The following MCCC2 variants were observed in gnomAD, a reference collection of about 807,000 sequenced individuals.
The protein encoded by MCCC2 is methylcrotonoyl-CoA carboxylase beta chain, mitochondrial.
A neutral mutation model predicts 77.2 loss-of-function variants in MCCC2; 52 were observed. The ratio of observed to expected loss-of-function variants is 0.67; its 90% confidence interval spans 0.54 to 0.85. The LOEUF is 0.85. Among genes scored for constraint, MCCC2 ranks in the 40% least tolerant of loss-of-function variants. The pLI, the probability that MCCC2 is intolerant of heterozygous loss-of-function variation, is 0.00. For missense variants in MCCC2, 682 were observed against 703.2 expected (o/e 0.97, Z 0.34); for synonymous variants, 253 against 248.4 (o/e 1.02, Z -0.18).
At chr5:71,644,032 CATGTGTGTGT>C (rs1279915719) in intron 12 of MCCC2, 137 bp downstream of exon 12, 1 of 538,734 alleles carries the variant, frequency 1.9e-6, no homozygotes, top group African/African-American at 2.4e-5. Flanking sequence ...TGTGCGCGGG[CATGTGTGTGT>C]GTGTGTGTGT....
At chr5:71,600,646 A>T (rs902723990) in intron 4 of MCCC2, among the ~76,000 whole-genome samples, 3 of 152,212 alleles carry the variant, frequency 2.0e-5, no homozygotes, top group African/African-American at 7.2e-5. Flanking sequence ...GGTTTATATC[A>T]TCACTACTCT....
chr5:71,611,483 T>C (rs1745942738), intron 6 of MCCC2, among the ~76,000 whole-genome samples: 1 of 152,190 alleles, frequency 6.6e-6, no homozygotes, highest in South Asian at 2.1e-4. Flanking sequence ...TGTTCATTCA[T>C]GGGAGATTAA....
intron 13 of MCCC2, among the ~76,000 whole-genome samples, chr5:71,647,526 A>G (rs529329606): frequency 3.9e-4 from 59 of 152,300 alleles, no homozygotes; most frequent in Middle Eastern, 3.4e-3. Flanking sequence ...GTTTGAAGAT[A>G]TCTACATTTT....
intron 2 of MCCC2, among the ~76,000 whole-genome samples, chr5:71,593,389 T>C (rs1349729175): frequency 6.6e-6 from 1 of 151,866 alleles, no homozygotes; most frequent in Non-Finnish European, 1.5e-5. Flanking sequence ...TACTCCTGGC[T>C]GAGCTTTTGA....
At chr5:71,633,131 A>ATATATTTTTT (rs1554137344) in intron 8 of MCCC2, among the ~76,000 whole-genome samples, 2 of 78,096 alleles carry the variant, frequency 2.6e-5, no homozygotes, top group African/African-American at 1.0e-4. Context: ...ATATATATAT[A>ATATATTTTTT]TTTTTATTTT....
intron 3 of MCCC2, among the ~76,000 whole-genome samples, chr5:71,598,586 C>A (rs964872116): frequency 6.8e-6 from 1 of 147,394 alleles, no homozygotes; most frequent in East Asian, 2.0e-4. Flanking sequence ...ATTACAGGCA[C>A]GTGCCTCCAC....
chr5:71,633,647 G>A (rs1746819690), intron 8 of MCCC2, among the ~76,000 whole-genome samples: 1 of 151,940 alleles, frequency 6.6e-6, no homozygotes, highest in Admixed American at 6.6e-5. Context: ...TCATCCTTAA[G>A]AGCTAATTTG....
intron 5 of MCCC2, among the ~76,000 whole-genome samples, 172 bp from the exon 6 acceptor site, chr5:71,604,184 C>G (rs901859442): frequency 2.6e-5 from 4 of 152,102 alleles, no homozygotes; most frequent in Non-Finnish European, 4.4e-5. Context: ...GGCAATGAAT[C>G]CTTTTGGCTG....
chr5:71,635,680 C>T, intron 10 of MCCC2: 3 of 304,992 alleles, frequency 9.8e-6, no homozygotes, highest in Non-Finnish European at 1.3e-5. Context: ...GACCTGATTA[C>T]AGTTGAAAAT....
intron 6 of MCCC2, among the ~76,000 whole-genome samples, chr5:71,611,547 TAA>T (rs1264205950): frequency 6.6e-6 from 1 of 152,232 alleles, no homozygotes; most frequent in Non-Finnish European, 1.5e-5. Flanking sequence ...TCTGTCAATA[TAA>T]GTCTCAAAAA....
chr5:71,632,376 C>T (rs1419438533), intron 8 of MCCC2, among the ~76,000 whole-genome samples, 191 bp downstream of exon 8: 1 of 152,154 alleles, frequency 6.6e-6, no homozygotes, highest in East Asian at 1.9e-4. Context: ...GAGCATCAGC[C>T]AAGAAGGACT....
chr5:71,639,210 C>A (rs1747036894), intron 10 of MCCC2, among the ~76,000 whole-genome samples: 2 of 152,210 alleles, frequency 1.3e-5, no homozygotes, highest in African/African-American at 4.8e-5. Context: ...ACTAACCTCT[C>A]CCCAGCTATG....
intron 7 of MCCC2, among the ~76,000 whole-genome samples, chr5:71,629,994 G>A (rs1746655020): frequency 6.6e-6 from 1 of 152,174 alleles, no homozygotes; most frequent in Admixed American, 6.5e-5. Flanking sequence ...TTAGAGAGAA[G>A]ATTTTGTCTA....
At chr5:71,611,636 C>G (rs899670191) in intron 6 of MCCC2, among the ~76,000 whole-genome samples, 38 of 152,060 alleles carry the variant, frequency 2.5e-4, no homozygotes, top group African/African-American at 8.9e-4. Context: ...ACATCGAATC[C>G]TACTGTATAT....
chr5:71,618,460 A>G (rs1746241591), intron 6 of MCCC2, among the ~76,000 whole-genome samples: 1 of 149,608 alleles, frequency 6.7e-6, no homozygotes, highest in African/African-American at 2.4e-5. Context: ...TTTCTTTTTT[A>G]AATTCTTTCT....
At position 71,658,324 on chromosome 5, in the gene MCCC2, C is replaced by T. The variant is rs2112480149; in HGVS notation, c.*1464C>T. The stretch of plus-strand genomic sequence containing the variant: ...ACTCTCCCTTCTTCTTCAACACATC[C>T]TTCAGTTTAAGCACTTGCTTCTCTC... On this transcript the variant is annotated 3_prime_UTR_variant, in exon 17 of 17. Transcript: ENST00000340941. 1 of 152,316 alleles carries T rather than the reference C, an allele frequency of 6.6e-6. No homozygotes were observed. 9.4% of individuals were successfully genotyped at this position (152,316 alleles called of 1,614,324 possible).
At chr5:71,651,076 G>T (rs1332956125) in intron 15 of MCCC2, among the ~76,000 whole-genome samples, 1 of 152,206 alleles carries the variant, frequency 6.6e-6, no homozygotes, top group African/African-American at 2.4e-5. Context: ...ACCATGCCCA[G>T]CCAAGAAAAC....
rs777652826 is a variant in MCCC2, at chr5:71,643,913, T to TATTTCAAG, written c.1149+23_1149+30dup. On this transcript the variant is annotated intron_variant, in intron 12 of 16. Coordinates refer to ENST00000340941, the MANE Select transcript of MCCC2 (RefSeq NM_022132.5). The stretch of plus-strand genomic sequence containing the variant: ...CAAAAAAGGCAAGTACTGTTAAAAA[T>TATTTCAAG]ATTTCAAGATTTTCTGTTTTAATTT... The TATTTCAAG allele has an allele frequency of 6.2e-7, 1 of 1,613,596 alleles. No individual in the cohort carries two copies. Among genetic ancestry groups the TATTTCAAG allele is most frequent in the African/African-American group, 1.3e-5 (1 of 74,894 alleles).
At chr5:71,624,929 A>G (rs1264709145) in intron 6 of MCCC2, among the ~76,000 whole-genome samples, 1 of 148,358 alleles carries the variant, frequency 6.7e-6, no homozygotes, top group Admixed American at 6.7e-5. Context: ...CCTGGCCTCA[A>G]GTGATACACC....
Sources: gnomAD v4.1 joint callset for allele counts (sites outside exome capture counted in the v4.1 genomes callset) on GRCh38, gnomAD v4.1.1 for gene constraint, MANE v1.5 for transcripts, NCBI Gene and HGNC (gene_info 2026-07-23, HGNC 2026-07-21) for gene names.